The following COMMD5 variants were observed in gnomAD, a reference collection of about 807,000 sequenced individuals.
The protein encoded by COMMD5 is COMM domain-containing protein 5.
COMMD5 carries 10 observed loss-of-function variants against 6.9 expected under a neutral mutation model. The ratio of observed to expected loss-of-function variants is 1.44; its 90% CI spans 0.89 to 2.45. COMMD5 has a LOEUF of 2.45. COMMD5 is among the 30% of genes most tolerant of loss of function. COMMD5 has a pLI of 0.00. For missense variants in COMMD5, 234 were observed against 287.8 expected, an observed-to-expected ratio of 0.81 and a Z score of 1.35; for synonymous variants, 127 against 125.3, an observed-to-expected ratio of 1.01 and a Z score of -0.09.
At chr8:144,842,850 T>A in intron 1 of COMMD5, 1 of 1,614,190 alleles carries the variant, frequency 6.2e-7, no homozygotes, top group Non-Finnish European at 8.5e-7. Flanking sequence ...TGAAGCCCTA[T>A]GAGTGCAGTG....
intron 1 of COMMD5, among the ~76,000 whole-genome samples, chr8:144,844,537 CGT>C: frequency 6.6e-6 from 1 of 151,220 alleles, no homozygotes; most frequent in South Asian, 2.1e-4. Flanking sequence ...AGTGAAACCC[CGT>C]GTCTACTAAA....
At chr8:144,844,183 C>T (rs1830346384) in intron 1 of COMMD5, among the ~76,000 whole-genome samples, 1 of 152,176 alleles carries the variant, frequency 6.6e-6, no homozygotes, top group Non-Finnish European at 1.5e-5. Flanking sequence ...AAAACATGCA[C>T]TGTGAGAGGG....
chr8:144,852,652 T>G (rs1336527090), intron 1 of COMMD5, 187 bp downstream of exon 1: 4 of 152,392 alleles, frequency 2.6e-5, no homozygotes, highest in African/African-American at 9.6e-5. Flanking sequence ...CAAAGAGCCA[T>G]CCGGGAAGGC....
chr8:144,850,654 A>C lies in COMMD5; in HGVS notation c.*10T>G. ...AAGCCGGATCTGAATGGGACTGGTC[A>C]AGTGAGGGGTCAGTCCTGCAGTCTG... is the stretch of plus-strand genomic sequence containing the variant. On this transcript the variant is annotated 3_prime_UTR_variant, in exon 2 of 2. Coordinates refer to ENST00000305103, the MANE Select transcript of COMMD5 (RefSeq NM_014066.4). This position sits in a 1 kb window ranked among gnomAD's most constrained non-coding sequence, Gnocchi z 4.0. 1 of 1,608,352 alleles carries C rather than the reference A, an allele frequency of 6.2e-7. No individual in the cohort carries two copies. The highest frequency in any genetic ancestry group is 1.1e-5 in the South Asian group (1 of 90,896).
intron 1 of COMMD5, chr8:144,842,268 G>A (rs1830033561): frequency 6.2e-7 from 1 of 1,614,078 alleles, no homozygotes; most frequent in African/African-American, 1.3e-5. Context: ...ATACTGGGGA[G>A]AAAGCTCAAA....
downstream of COMMD5, chr8:144,845,944 G>A (rs1057107558): frequency 7.2e-6 from 11 of 1,532,640 alleles, no homozygotes; most frequent in Non-Finnish European, 8.7e-6. Context: ...TTCAGGTCTA[G>A]CACAGGGGTT....
At chr8:144,840,108 CTCT>C (rs1829682486), downstream of COMMD5, among the ~76,000 whole-genome samples, 1 of 152,210 alleles carries the variant, frequency 6.6e-6, no homozygotes, top group African/African-American at 2.4e-5. Context: ...CCACCCTGCT[CTCT>C]TATCTTCACA....
At chr8:144,844,733 AAAAC>A (rs1830411062) in intron 1 of COMMD5, among the ~76,000 whole-genome samples, 2 of 132,432 alleles carry the variant, frequency 1.5e-5, no homozygotes, top group Non-Finnish European at 3.2e-5. Context: ...AAAAAAAAAA[AAAAC>A]GAAAATGGGA....
downstream of COMMD5, among the ~76,000 whole-genome samples, chr8:144,847,684 G>T (rs890823140): frequency 2.6e-5 from 4 of 152,212 alleles, no homozygotes; most frequent in African/African-American, 9.7e-5. Flanking sequence ...CAGAGCCCCA[G>T]AAATGTTTGC....
In COMMD5 at chr8:144,850,515, C is replaced by T; in HGVS notation, c.*149G>A. 1.2e-6 allele frequency: 1 copy of T among 858,624 alleles called. No homozygotes were observed. The highest frequency in any genetic ancestry group is 2.7e-5 in the East Asian group (1 of 37,156). The allele number at this position is 858,624 out of a possible 1,614,324, so 53.2% of individuals were successfully genotyped here. The stretch of plus-strand genomic sequence containing the variant: ...GGCATAGCTCTCTTTTTCAATTAAA[C>T]AGAAAACTACATAATTACGTTCAAA... On this transcript the variant is annotated 3_prime_UTR_variant, in exon 2 of 2. Coordinates refer to ENST00000305103, the MANE Select transcript of COMMD5 (RefSeq NM_014066.4). The surrounding 1 kb of genome is among the most constrained non-coding windows in gnomAD (Gnocchi z 4.0).
At chr8:144,847,744 G>T (rs1830581973), downstream of COMMD5, among the ~76,000 whole-genome samples, 1 of 152,212 alleles carries the variant, frequency 6.6e-6, no homozygotes, top group Non-Finnish European at 1.5e-5. Context: ...TTGAGCTCAG[G>T]ACAGTGCCAC....
At chr8:144,844,141 C>G (rs1284648046) in intron 1 of COMMD5, among the ~76,000 whole-genome samples, 1 of 152,208 alleles carries the variant, frequency 6.6e-6, no homozygotes, top group African/African-American at 2.4e-5. Context: ...TCATTGCCCT[C>G]CCTGAAACTC....
chr8:144,851,491 G>T, intron 1 of COMMD5, 96 bp from the exon 2 acceptor site: 1 of 827,678 alleles, frequency 1.2e-6, no homozygotes, highest in Non-Finnish European at 1.9e-6. Context: ...CATGCTGACA[G>T]TGTGAACTAC....
intron 1 of COMMD5, chr8:144,842,477 T>C (rs143849415): frequency 9.6e-5 from 155 of 1,614,060 alleles, no homozygotes; most frequent in Non-Finnish European, 1.3e-4. Context: ...TCACGGCTTA[T>C]TCGCCATCAG....
chr8:144,839,696 C>A (rs1046582698), downstream of COMMD5, among the ~76,000 whole-genome samples: 1 of 152,242 alleles, frequency 6.6e-6, no homozygotes, highest in Non-Finnish European at 1.5e-5. Context: ...ATAAAACATG[C>A]AGCAGCACAA....
intron 1 of COMMD5, chr8:144,842,614 G>A (rs759078046): frequency 1.9e-6 from 3 of 1,614,186 alleles, no homozygotes; most frequent in Non-Finnish European, 2.5e-6. Flanking sequence ...TAATGACTGT[G>A]GAAAAGCCTT....
At chr8:144,842,158 A>G in intron 1 of COMMD5, 1 of 1,613,610 alleles carries the variant, frequency 6.2e-7, no homozygotes, top group Non-Finnish European at 8.5e-7. Flanking sequence ...GCAGCTGGTT[A>G]GACACCAGAG....
chr8:144,843,064 CAGAGAATTCA>C (rs1563847327), intron 1 of COMMD5: 1 of 1,614,040 alleles, frequency 6.2e-7, no homozygotes, highest in Non-Finnish European at 8.5e-7. Flanking sequence ...AATTATACAC[CAGAGAATTCA>C]CACCGGGGAG....
downstream of COMMD5, chr8:144,838,112 G>C (rs1459421287): frequency 1.4e-6 from 1 of 703,008 alleles, no homozygotes; most frequent in East Asian, 2.7e-5. Flanking sequence ...GGCAGCTGGT[G>C]GTTTTCTGGC....
Sources: allele counts gnomAD v4.1 joint callset (sites outside exome capture counted in the v4.1 genomes callset), GRCh38; gene constraint gnomAD v4.1.1; non-coding constraint Gnocchi (gnomAD v3.1); transcripts MANE v1.5; gene names NCBI Gene and HGNC (gene_info 2026-07-23, HGNC 2026-07-21).